The following PBX1 variants were observed in gnomAD, a reference collection of about 807,000 sequenced individuals.
PBX1 encodes pre-B-cell leukemia transcription factor 1.
PBX1 carries 6 observed loss-of-function variants against 53.4 expected under a neutral mutation model. The ratio of observed to expected loss-of-function variants is 0.11; its 90% CI spans 0.06 to 0.22. The LOEUF (loss-of-function observed/expected upper bound fraction) is 0.22, where lower values mean the gene tolerates loss of function less well. Among genes scored for constraint, PBX1 ranks in the 10% least tolerant of loss-of-function variants. The pLI, the probability that PBX1 is intolerant of heterozygous loss-of-function variation, is 1.00. For missense variants in PBX1, 251 were observed against 551.4 expected (o/e 0.46, Z 5.46); for synonymous variants, 204 against 212.3 (o/e 0.96, Z 0.34).
At chr1:164,563,361 A>C (rs1314073564) in intron 2 of PBX1, 50 bp downstream of exon 2, 1 of 1,185,134 alleles carries the variant, frequency 8.4e-7, no homozygotes, top group Admixed American at 1.8e-5. Context: ...CAATTAAATC[A>C]CTTAACCAGC....
intron 8 of PBX1, among the ~76,000 whole-genome samples, chr1:164,838,383 A>G (rs1050382740): frequency 1.3e-5 from 2 of 152,148 alleles, no homozygotes; most frequent in Non-Finnish European, 2.9e-5. Context: ...ACCAAGTTTG[A>G]TGAGGTGGAT....
intron 2 of PBX1, chr1:164,652,239 G>A (rs12047555): frequency 0.5 from 76,265 of 151,766 alleles, 20,485 homozygotes; most frequent in East Asian, 0.68. Context: ...TGTATTTTTA[G>A]TAGAGACGGG....
intron 2 of PBX1, among the ~76,000 whole-genome samples, chr1:164,565,009 T>G (rs1173143757): frequency 6.6e-6 from 1 of 152,136 alleles, no homozygotes; most frequent in East Asian, 1.9e-4. Context: ...AGAGAGTCTA[T>G]TTTTGAAGAT....
intron 2 of PBX1, chr1:164,682,082 A>C (rs969327733): frequency 6.6e-6 from 1 of 152,262 alleles, no homozygotes; most frequent in Non-Finnish European, 1.5e-5. Context: ...TTAAAATGCC[A>C]TTTACATACA....
chr1:164,775,990 A>T (rs559267937), intron 2 of PBX1, among the ~76,000 whole-genome samples: 1 of 152,280 alleles, frequency 6.6e-6, no homozygotes, highest in Admixed American at 6.5e-5. Flanking sequence ...CTTCCTCCAC[A>T]TCTCTGTATA....
intron 2 of PBX1, among the ~76,000 whole-genome samples, chr1:164,650,093 A>T (rs1659705880): frequency 6.6e-6 from 1 of 152,136 alleles, no homozygotes; most frequent in Admixed American, 6.5e-5. Context: ...ATTAGGGCAA[A>T]TGTAGTGCTA....
chr1:164,848,449 G>C lies in PBX1; in HGVS notation c.*1773G>C, dbSNP rs1362079400. The C allele has an allele frequency of 1.9e-6, 2 of 1,056,496 alleles. No homozygotes were observed. The highest frequency in any genetic ancestry group is 2.3e-6 in the Non-Finnish European group (2 of 873,880). 65.4% of individuals were successfully genotyped at this position (1,056,496 alleles called of 1,614,324 possible). ...TTCATATCCAATCTGTAAATGCGAA[G>C]TCAGGGGAAGTAATGTCCCTGAAAT... On this transcript the variant is annotated 3_prime_UTR_variant, in exon 9 of 9. Coordinates refer to ENST00000420696, the MANE Select transcript of PBX1 (RefSeq NM_002585.4).
intron 2 of PBX1, among the ~76,000 whole-genome samples, chr1:164,676,206 G>A (rs1029304690): frequency 6.6e-6 from 1 of 152,122 alleles, no homozygotes; most frequent in African/African-American, 2.4e-5. Flanking sequence ...GGACCTATGA[G>A]TGCTATATTT....
intron 2 of PBX1, among the ~76,000 whole-genome samples, chr1:164,785,089 A>G (rs1217213019): frequency 6.6e-6 from 1 of 152,164 alleles, no homozygotes; most frequent in African/African-American, 2.4e-5. Flanking sequence ...TCATCTGAAG[A>G]GGCCGCTCCA....
chr1:164,856,906 A>G (rs1022767461), intron 2 of PBX1, among the ~76,000 whole-genome samples: 1 of 152,104 alleles, frequency 6.6e-6, no homozygotes, highest in African/African-American at 2.4e-5. Flanking sequence ...TGAGGAACAC[A>G]TTGGTTGCTC....
chr1:164,660,676 C>T (rs952118306), intron 2 of PBX1, among the ~76,000 whole-genome samples: 2 of 152,188 alleles, frequency 1.3e-5, no homozygotes, highest in Non-Finnish European at 2.9e-5. Flanking sequence ...GTTGACAGAA[C>T]AGAGCAGCTT....
chr1:164,697,353 G>A (rs1026271745), intron 2 of PBX1, among the ~76,000 whole-genome samples: 1 of 152,186 alleles, frequency 6.6e-6, no homozygotes, highest in Non-Finnish European at 1.5e-5. Context: ...CTATGAAAAT[G>A]TGAAATCTCT....
At chr1:164,726,558 A>G (rs560177011) in intron 2 of PBX1, among the ~76,000 whole-genome samples, 1 of 152,334 alleles carries the variant, frequency 6.6e-6, no homozygotes, top group East Asian at 1.9e-4. Flanking sequence ...CACATCAGGG[A>G]ATTTTATAAA....
At chr1:164,641,637 G>A (rs1395162058) in intron 2 of PBX1, 1 of 152,202 alleles carries the variant, frequency 6.6e-6, no homozygotes, top group African/African-American at 2.4e-5. Context: ...AGACACAAGG[G>A]TAGCAGGCCT....
At chr1:164,563,754 G>T (rs965225595) in intron 2 of PBX1, among the ~76,000 whole-genome samples, 1 of 152,132 alleles carries the variant, frequency 6.6e-6, no homozygotes, top group Admixed American at 6.5e-5. Flanking sequence ...ACACAAAGCA[G>T]CAGACTAGAG....
intron 2 of PBX1, among the ~76,000 whole-genome samples, chr1:164,585,246 A>G (rs1315719008): frequency 6.6e-6 from 1 of 152,068 alleles, no homozygotes; most frequent in Non-Finnish European, 1.5e-5. Flanking sequence ...ACCTTTTTCC[A>G]TTCCCCTCCT....
At chr1:164,696,908 T>G (rs1662828943) in intron 2 of PBX1, among the ~76,000 whole-genome samples, 1 of 152,122 alleles carries the variant, frequency 6.6e-6, no homozygotes, top group Non-Finnish European at 1.5e-5. Flanking sequence ...CAGAATAAAA[T>G]TATAGTGGAA....
At chr1:164,788,759 C>A (rs368812789) in intron 2 of PBX1, among the ~76,000 whole-genome samples, 1 of 140,800 alleles carries the variant, frequency 7.1e-6, no homozygotes, top group Admixed American at 7.1e-5. Flanking sequence ...CCCTCCCCCC[C>A]CCGCCCTTTT....
intron 2 of PBX1, chr1:164,626,151 A>G (rs1658025332): frequency 4.1e-6 from 4 of 967,862 alleles, no homozygotes; most frequent in Non-Finnish European, 5.0e-6. Context: ...AGATGCATAT[A>G]CCATGCCTTC....
Sources: allele counts gnomAD v4.1 joint callset (sites outside exome capture counted in the v4.1 genomes callset), GRCh38; gene constraint gnomAD v4.1.1; transcripts MANE v1.5; gene names NCBI Gene and HGNC (gene_info 2026-07-23, HGNC 2026-07-21).